PXDC1: variants seen among roughly 807,000 people sequenced by gnomAD.
PXDC1 encodes PX domain-containing protein 1.
Under a neutral mutation model 24.4 loss-of-function variants are expected in PXDC1, and 13 were observed. That is an observed-to-expected ratio of 0.53 (90% CI 0.35 to 0.85). The LOEUF (loss-of-function observed/expected upper bound fraction) is 0.85. Ranked by LOEUF, PXDC1 falls within the 40% of genes least tolerant of loss-of-function variation. PXDC1 has a pLI of 0.01. For missense variants in PXDC1, 344 were observed against 309.3 expected (o/e 1.11, Z -0.84); for synonymous variants, 162 against 124.9 (o/e 1.30, Z -1.98).
chr6:3,746,905 C>T (rs1352776877), intron 1 of PXDC1, among the ~76,000 whole-genome samples: 1 of 152,128 alleles, frequency 6.6e-6, no homozygotes, highest in East Asian at 1.9e-4. Context: ...GTAGTCACAT[C>T]TGTGTCCAGC....
At chr6:3,729,677 A>G (rs1760152914) in intron 3 of PXDC1, among the ~76,000 whole-genome samples, 2 of 152,200 alleles carry the variant, frequency 1.3e-5, no homozygotes, top group Non-Finnish European at 2.9e-5. Context: ...TCGCCTCTCT[A>G]TCTAAAATGG....
intron 1 of PXDC1, among the ~76,000 whole-genome samples, chr6:3,746,217 C>T (rs1328442265): frequency 6.6e-6 from 1 of 152,076 alleles, no homozygotes; most frequent in Non-Finnish European, 1.5e-5. Context: ...TCGCCTGGGG[C>T]CCAGGGGCTC....
In PXDC1 at chr6:3,728,817, A is replaced by G. The variant is rs226958; in HGVS notation, c.467-1155T>C. Among the ~76,000 whole-genome samples, 126,311 of 152,114 alleles carry G rather than the reference A, an allele frequency of 0.83. 52,753 individuals are homozygous for G. The highest frequency in any genetic ancestry group is 0.93 in the African/African-American group (38,440 of 41,494). ...GGACCGCGTTTCCGTCCCCTCGCTC[A>G]GCAGATGAGATCTGGTAGCCATGGC... is the stretch of plus-strand genomic sequence containing the variant. On this transcript the variant is annotated intron_variant, in intron 3 of 4. Transcript: ENST00000380283. This position sits in a 1 kb window ranked among gnomAD's most constrained non-coding sequence, Gnocchi z 4.0.
intron 3 of PXDC1, among the ~76,000 whole-genome samples, chr6:3,736,306 C>A (rs1760313309): frequency 6.6e-6 from 1 of 152,172 alleles, no homozygotes; most frequent in African/African-American, 2.4e-5. Context: ...CTCCTTCCCA[C>A]AGATCGCAAC....
rs1760039077 is a variant in PXDC1, at chr6:3,725,348, C to T, written c.579-1612G>A. 6.6e-6 allele frequency among the ~76,000 whole-genome samples: 1 copy of T among 152,170 alleles called. No homozygotes were observed. Among genetic ancestry groups the T allele is most frequent in the Admixed American group, 6.5e-5 (1 of 15,286 alleles). Reference sequence around the variant, plus strand: ...CTCCCTGAGGTCCCCACAGAACCGCCCAGTGCCTCGGCCCTGGATGACCTC... The same window carrying T: ...CTCCCTGAGGTCCCCACAGAACCGCTCAGTGCCTCGGCCCTGGATGACCTC... On this transcript the variant is annotated intron_variant, in intron 4 of 4. Coordinates refer to ENST00000380283, the MANE Select transcript of PXDC1 (RefSeq NM_183373.4). The surrounding 1 kb of genome is among the most constrained non-coding windows in gnomAD (Gnocchi z 4.8).
chr6:3,730,854 G>A (rs1048940655), intron 3 of PXDC1, among the ~76,000 whole-genome samples: 2 of 152,242 alleles, frequency 1.3e-5, no homozygotes, highest in Admixed American at 1.3e-4. Context: ...GGCTCCTCAG[G>A]AGGCACGAGC....
chr6:3,747,894 T>C (rs1352029663), intron 1 of PXDC1, among the ~76,000 whole-genome samples: 1 of 152,202 alleles, frequency 6.6e-6, no homozygotes, highest in African/African-American at 2.4e-5. Context: ...TATGCAGATA[T>C]TTGATGGAAT....
intron 1 of PXDC1, among the ~76,000 whole-genome samples, chr6:3,750,556 G>C (rs113039442): frequency 2.6e-5 from 4 of 152,296 alleles, no homozygotes; most frequent in South Asian, 4.1e-4. Flanking sequence ...AAGAAAGATC[G>C]GGCAGAGCGG....
At chr6:3,739,694 G>A (rs568808834) in intron 1 of PXDC1, among the ~76,000 whole-genome samples, 3 of 152,388 alleles carry the variant, frequency 2.0e-5, no homozygotes, top group Admixed American at 1.3e-4. Context: ...CAAGCAGGGT[G>A]GAGAAGGAAG....
rs766974924 is a variant in PXDC1, at chr6:3,723,614, G to A, written c.*5C>T. ...GCTGAGGCGGGGGAGGCCTGATAGA[G>A]AGGTTCAGTCCCAAATGTCTGTCTC... On this transcript the variant is annotated 3_prime_UTR_variant, in exon 5 of 5. Transcript: ENST00000380283. 4.4e-6 allele frequency: 7 copies of A among 1,604,664 alleles called. No homozygotes were observed. Among genetic ancestry groups the A allele is most frequent in the East Asian group, 2.2e-5 (1 of 44,854 alleles).
At chr6:3,744,719 C>T (rs566427151) in intron 1 of PXDC1, among the ~76,000 whole-genome samples, 3 of 152,116 alleles carry the variant, frequency 2.0e-5, no homozygotes, top group African/African-American at 4.8e-5. Flanking sequence ...TTATTTGAGA[C>T]GAAGTCTCGC....
rs1760117565 is a variant in PXDC1 at position 3,728,332 on chromosome 6, ATAGCT to A, written c.467-675_467-671del. On this transcript the variant is annotated intron_variant, in intron 3 of 4. Coordinates refer to ENST00000380283, the MANE Select transcript of PXDC1 (RefSeq NM_183373.4). The surrounding 1 kb of genome is among the most constrained non-coding windows in gnomAD (Gnocchi z 4.0). ...ATCATTCTTATGCCTTCGCATCCTC[ATAGCT>A]TAGCTCCCACTTCTAAGTGAGAATA... Among the ~76,000 whole-genome samples, 1 of 152,176 alleles carries A rather than the reference ATAGCT, an allele frequency of 6.6e-6. No homozygotes were observed. Among genetic ancestry groups the A allele is most frequent in the Non-Finnish European group, 1.5e-5 (1 of 68,038 alleles).
At chr6:3,734,806 C>G (rs546969086) in intron 3 of PXDC1, among the ~76,000 whole-genome samples, 1 of 152,088 alleles carries the variant, frequency 6.6e-6, no homozygotes, top group Non-Finnish European at 1.5e-5. Flanking sequence ...AATCCTAGGC[C>G]GGGCGCAGTG....
Position 3,724,828 on chromosome 6 carries a change from C to A in PXDC1, c.579-1092G>T, listed in dbSNP as rs1717253547. Among the ~76,000 whole-genome samples the A allele has an allele frequency of 6.6e-6, 1 of 152,250 alleles. No individual in the cohort carries two copies. Among genetic ancestry groups the A allele is most frequent in the Non-Finnish European group, 1.5e-5 (1 of 68,046 alleles). ...GCATATGTCCCCCACAAACCTAGTA[C>A]ATCGTGCGAATCCCGCTGACCTCAA... On this transcript the variant is annotated intron_variant, in intron 4 of 4. Transcript: ENST00000380283. The surrounding 1 kb of genome is among the most constrained non-coding windows in gnomAD (Gnocchi z 4.5).
chr6:3,741,371 G>A (rs1760445763), intron 1 of PXDC1, among the ~76,000 whole-genome samples: 1 of 152,238 alleles, frequency 6.6e-6, no homozygotes, highest in Non-Finnish European at 1.5e-5. Context: ...GATGGGGAAA[G>A]TGAAGAGCTG....
intron 3 of PXDC1, among the ~76,000 whole-genome samples, chr6:3,732,951 G>A (rs906118012): frequency 6.6e-6 from 1 of 152,222 alleles, no homozygotes. Context: ...GCAGTGGACA[G>A]GCAGGTTTGC....
rs1432590144 is a variant in PXDC1 at position 3,738,098 on chromosome 6, C to A, written c.307G>T (p.Val103Leu). 1 of 1,614,050 alleles carries A rather than the reference C, an allele frequency of 6.2e-7. No individual in the cohort carries two copies. Among genetic ancestry groups the A allele is most frequent in the Non-Finnish European group, 8.5e-7 (1 of 1,180,036 alleles). The change falls in exon 2 of 5, where the codon GTG (valine) becomes TTG (leucine). Residue 103 changes from valine (V) to leucine (L), a missense_variant. Val to Leu is a conservative substitution (Grantham distance 32). Coordinates refer to ENST00000380283, the MANE Select transcript of PXDC1 (RefSeq NM_183373.4). ...ATGATCGTCTTCAGCAGCTTCTCCACCTCATTAAGCCTGGTCTCTATGTCG... is the reference window on the plus strand; with the variant it reads ...ATGATCGTCTTCAGCAGCTTCTCCAACTCATTAAGCCTGGTCTCTATGTCG... ...AHDIETRLNE[V>L]EKLLKTIISM...
intron 1 of PXDC1, among the ~76,000 whole-genome samples, chr6:3,744,493 G>A (rs937418139): frequency 1.3e-5 from 2 of 152,212 alleles, no homozygotes; most frequent in African/African-American, 4.8e-5. Context: ...AAGGGTGAGC[G>A]GATATAAGGG....
chr6:3,740,296 G>C (rs559171460), intron 1 of PXDC1, among the ~76,000 whole-genome samples: 28 of 152,304 alleles, frequency 1.8e-4, no homozygotes, highest in Admixed American at 1.7e-3. Flanking sequence ...GGTCACATTA[G>C]GGAGATAAAT....
Sources: allele counts gnomAD v4.1 joint callset (sites outside exome capture counted in the v4.1 genomes callset), GRCh38; gene constraint gnomAD v4.1.1; non-coding constraint Gnocchi (gnomAD v3.1); transcripts MANE v1.5; gene names NCBI Gene and HGNC (gene_info 2026-07-23, HGNC 2026-07-21).